The following ABI2 variants were observed in gnomAD, a reference collection of about 807,000 sequenced individuals.
ABI2 encodes abl interactor 2.
ABI2 carries 25 observed loss-of-function variants against 59.2 expected under a neutral mutation model. The observed-to-expected ratio is 0.42, with a 90% CI of 0.31 to 0.59. ABI2 has a LOEUF of 0.59. ABI2 is among the 20% of genes least tolerant of loss of function. The pLI, the probability that ABI2 is intolerant of heterozygous loss-of-function variation, is 0.14. For synonymous variants in ABI2, 213 were observed against 235.5 expected (o/e 0.90, Z 0.87); for missense variants, 545 against 681.8 (o/e 0.80, Z 2.23).
intron 2 of ABI2, chr2:203,375,963 A>G (rs2095652077): frequency 2.1e-6 from 2 of 969,190 alleles, no homozygotes; most frequent in Non-Finnish European, 3.1e-6. Flanking sequence ...GTGTGGTAGT[A>G]TGATGGCAAG....
chr2:203,390,708 T>A (rs892574173), intron 4 of ABI2, among the ~76,000 whole-genome samples: 1 of 152,232 alleles, frequency 6.6e-6, no homozygotes, highest in Admixed American at 6.5e-5. Flanking sequence ...GAGTTACTCT[T>A]TATTAAAACT....
At chr2:203,402,067 C>T (rs367826242) in intron 8 of ABI2, among the ~76,000 whole-genome samples, 3 of 152,152 alleles carry the variant, frequency 2.0e-5, no homozygotes, top group Non-Finnish European at 2.9e-5. Context: ...CAGAGTCTCA[C>T]TCTGTCACCC....
At chr2:203,355,829 C>CAAAAA (rs771519788) in intron 1 of ABI2, among the ~76,000 whole-genome samples, 29 of 68,472 alleles carry the variant, frequency 4.2e-4, no homozygotes, top group African/African-American at 1.6e-3. Context: ...AAAACTGTCT[C>CAAAAA]AAAAAAAAAA....
intron 1 of ABI2, among the ~76,000 whole-genome samples, chr2:203,354,861 G>A (rs1158824466): frequency 6.6e-6 from 1 of 152,116 alleles, no homozygotes; most frequent in Admixed American, 6.6e-5. Context: ...GACTGTTTTC[G>A]ATATAAACAT....
intron 11 of ABI2, 110 bp downstream of exon 11, chr2:203,417,191 T>G (rs2097928222): frequency 9.8e-7 from 1 of 1,021,844 alleles, no homozygotes; most frequent in African/African-American, 1.6e-5. Context: ...TCTATTTATT[T>G]GTATTTGTGC....
chr2:203,376,701 T>G (rs1226501349), intron 2 of ABI2, among the ~76,000 whole-genome samples: 1 of 151,910 alleles, frequency 6.6e-6, no homozygotes, highest in Non-Finnish European at 1.5e-5. Flanking sequence ...TTAGGCTTAT[T>G]GTTATCTTTC....
intron 2 of ABI2, among the ~76,000 whole-genome samples, chr2:203,374,463 C>T (rs986300092): frequency 7.5e-6 from 1 of 133,360 alleles, no homozygotes; most frequent in South Asian, 2.4e-4. Flanking sequence ...CGTGCCACTG[C>T]ATTCCAGCCT....
chr2:203,422,084 C>A (rs149984118), intron 11 of ABI2, among the ~76,000 whole-genome samples: 4 of 151,750 alleles, frequency 2.6e-5, no homozygotes, highest in African/African-American at 4.8e-5. Context: ...TTGCTTGAGA[C>A]GAGGAGTTCA....
chr2:203,384,284 G>GTTTTTGTTTTTGTTTT (rs1559288743), intron 4 of ABI2, among the ~76,000 whole-genome samples: 2 of 48,524 alleles, frequency 4.1e-5, no homozygotes, highest in South Asian at 1.1e-3. Flanking sequence ...TCTTGTTTTT[G>GTTTTTGTTTTTGTTTT]TTTTTGTTTT....
At chr2:203,371,447 C>T (rs2095182446) in intron 2 of ABI2, among the ~76,000 whole-genome samples, 1 of 152,066 alleles carries the variant, frequency 6.6e-6, no homozygotes, top group Non-Finnish European at 1.5e-5. Flanking sequence ...ATTAAAAGGA[C>T]AATATAGTAT....
At chr2:203,388,767 G>A (rs2096630478) in intron 4 of ABI2, among the ~76,000 whole-genome samples, 1 of 151,680 alleles carries the variant, frequency 6.6e-6, no homozygotes, top group Non-Finnish European at 1.5e-5. Context: ...GTGGGGGGCG[G>A]GTAGGTCCAA....
At chr2:203,374,835 G>A (rs1559261923) in intron 2 of ABI2, 1 of 456,288 alleles carries the variant, frequency 2.2e-6, no homozygotes, top group Admixed American at 2.3e-5. Flanking sequence ...TTCCCACACT[G>A]ATGGGCAGCT....
intron 11 of ABI2, among the ~76,000 whole-genome samples, chr2:203,423,999 C>T (rs150300446): frequency 4.6e-4 from 70 of 152,264 alleles, no homozygotes; most frequent in African/African-American, 1.6e-3. Context: ...TCAGTCATAA[C>T]TGCACAAAAA....
intron 9 of ABI2, among the ~76,000 whole-genome samples, chr2:203,405,808 G>C (rs571187738): frequency 3.7e-4 from 56 of 152,160 alleles, no homozygotes; most frequent in African/African-American, 1.3e-3. Context: ...AAATTCAGTG[G>C]GGTTCTGTGA....
intron 1 of ABI2, 41 bp downstream of exon 1, chr2:203,328,672 C>G: frequency 7.2e-7 from 1 of 1,387,860 alleles, no homozygotes; most frequent in Non-Finnish European, 9.6e-7. Flanking sequence ...GGGACCCCCC[C>G]GCCGGGGGCC....
chr2:203,417,303 A>G (rs2097937112), intron 11 of ABI2, among the ~76,000 whole-genome samples: 2 of 152,178 alleles, frequency 1.3e-5, no homozygotes, highest in Admixed American at 1.3e-4. Context: ...TATTGTTCCT[A>G]TTGGACATGC....
At chr2:203,374,647 A>G (rs1016626780) in intron 2 of ABI2, among the ~76,000 whole-genome samples, 1 of 152,208 alleles carries the variant, frequency 6.6e-6, no homozygotes, top group Non-Finnish European at 1.5e-5. Flanking sequence ...ATATAAAAAA[A>G]CTGAAAATTA....
At chr2:203,348,077 C>T (rs1461808617) in intron 1 of ABI2, among the ~76,000 whole-genome samples, 1 of 151,938 alleles carries the variant, frequency 6.6e-6, no homozygotes, top group Non-Finnish European at 1.5e-5. Flanking sequence ...CTCGTGTCTC[C>T]TAAAAATACA....
chr2:203,377,172 G>C (rs1193549189), intron 2 of ABI2, among the ~76,000 whole-genome samples: 1 of 152,070 alleles, frequency 6.6e-6, no homozygotes, highest in African/African-American at 2.4e-5. Flanking sequence ...AAAATTAGCT[G>C]GGCATGGTGG....
Sources: gnomAD v4.1 joint callset for allele counts (sites outside exome capture counted in the v4.1 genomes callset) on GRCh38, gnomAD v4.1.1 for gene constraint, MANE v1.5 for transcripts, NCBI Gene and HGNC (gene_info 2026-07-23, HGNC 2026-07-21) for gene names.